The following ZKSCAN7 variants were observed in gnomAD, a reference collection of about 807,000 sequenced individuals.
ZKSCAN7 encodes the protein zinc finger protein with KRAB and SCAN domains 7.
In ZKSCAN7, 38 loss-of-function variants were observed where a neutral mutation model predicts 65.3. The ratio of observed to expected loss-of-function variants is 0.58; its 90% CI spans 0.45 to 0.76. The LOEUF (loss-of-function observed/expected upper bound fraction) is 0.76. Ranked by LOEUF, ZKSCAN7 falls within the 30% of genes least tolerant of loss-of-function variation. ZKSCAN7 has a pLI of 0.00. For synonymous variants in ZKSCAN7, 321 were observed against 321.0 expected, an observed-to-expected ratio of 1.00 and a Z score of 0.00; for missense variants, 815 against 913.3, an observed-to-expected ratio of 0.89 and a Z score of 1.39.
intron 5 of ZKSCAN7, 65 bp from the exon 6 acceptor site, chr3:44,569,857 A>C (rs1296595064): frequency 2.0e-6 from 3 of 1,475,820 alleles, no homozygotes; most frequent in African/African-American, 2.8e-5. Context: ...GTTAGCTCTT[A>C]ATGATTCTCT....
intron 5 of ZKSCAN7, chr3:44,581,042 G>T (rs1056529312): frequency 1.3e-5 from 20 of 1,538,076 alleles, no homozygotes; most frequent in Non-Finnish European, 1.7e-5. Flanking sequence ...GCGCGGCGGC[G>T]GCGGCGGCGC....
intron 5 of ZKSCAN7, chr3:44,578,370 T>G: frequency 6.2e-7 from 1 of 1,610,786 alleles, no homozygotes. Flanking sequence ...GGTGACCCAG[T>G]GGCCTCCCCA....
chr3:44,571,871 T>G lies in ZKSCAN7; in HGVS notation c.*496T>G. On this transcript the variant is annotated 3_prime_UTR_variant, in exon 6 of 6. Coordinates refer to ENST00000426540, the MANE Select transcript of ZKSCAN7 (RefSeq NM_001288590.2). ...TATCTAGAAAACATTTTCTTCTGTT[T>G]GCTAATCTTTGTCCCTCACAATTTT... is the stretch of plus-strand genomic sequence containing the variant. 9 of 987,894 alleles carry G rather than the reference T, an allele frequency of 9.1e-6. No homozygotes were observed. Among genetic ancestry groups the G allele is most frequent in the Non-Finnish European group, 1.1e-5 (9 of 831,476 alleles). 61.2% of individuals were successfully genotyped at this position (987,894 alleles called of 1,614,324 possible). A position where few individuals can be genotyped will look rare whatever the true frequency, so the allele number is the denominator to read the frequency against.
chr3:44,579,588 G>A (rs1008999926), intron 5 of ZKSCAN7, among the ~76,000 whole-genome samples: 2 of 152,094 alleles, frequency 1.3e-5, no homozygotes, highest in African/African-American at 4.8e-5. Flanking sequence ...GTGGTCGGGT[G>A]CACATGCTTC....
chr3:44,572,069 A>G lies in ZKSCAN7; in HGVS notation c.*694A>G, dbSNP rs1699821571. 3 of 984,584 alleles carry G rather than the reference A, an allele frequency of 3.0e-6. No individual in the cohort carries two copies. The highest frequency in any genetic ancestry group is 4.7e-5 in the South Asian group (1 of 21,268). 61.0% of individuals were successfully genotyped at this position (984,584 alleles called of 1,614,324 possible). ...GTATACTTTTATACCAACTTATTGTAGGCTCTTTGAGGTCAGGTATGTATT... is the reference window on the plus strand; with the variant it reads ...GTATACTTTTATACCAACTTATTGTGGGCTCTTTGAGGTCAGGTATGTATT... On this transcript the variant is annotated 3_prime_UTR_variant, in exon 6 of 6. Transcript: ENST00000426540.
chr3:44,558,782 A>ATTT (rs35709621), intron 2 of ZKSCAN7, among the ~76,000 whole-genome samples: 17,674 of 92,574 alleles, frequency 0.19, 1,404 homozygotes, highest in African/African-American at 0.23. Flanking sequence ...TTTCTTCTTC[A>ATTT]TTTTTTTTTT....
intron 2 of ZKSCAN7, among the ~76,000 whole-genome samples, chr3:44,561,960 A>G (rs1274835268): frequency 1.3e-5 from 2 of 152,204 alleles, no homozygotes; most frequent in African/African-American, 4.8e-5. Context: ...TGGGGTCTGG[A>G]GGATGGTGGC....
At chr3:44,560,051 TA>T (rs1699421041) in intron 2 of ZKSCAN7, among the ~76,000 whole-genome samples, 1 of 152,202 alleles carries the variant, frequency 6.6e-6, no homozygotes, top group Non-Finnish European at 1.5e-5. Flanking sequence ...TTAAAACTTT[TA>T]GTGCTTTATC....
chr3:44,580,343 A>G, intron 5 of ZKSCAN7: 2 of 1,612,000 alleles, frequency 1.2e-6, no homozygotes, highest in African/African-American at 1.3e-5. Flanking sequence ...AGCTGGCAGC[A>G]GGAGGCTGGC....
In ZKSCAN7 at chr3:44,571,481, C is replaced by T. The variant is rs1699808572; in HGVS notation, c.*106C>T. Reference sequence around the variant, plus strand: ...GAGCCAGTAGTCACGGTGGACCATTCCCTACTTGCTTTTCCTTGGATCACT... The same window carrying T: ...GAGCCAGTAGTCACGGTGGACCATTTCCTACTTGCTTTTCCTTGGATCACT... On this transcript the variant is annotated 3_prime_UTR_variant, in exon 6 of 6. Transcript: ENST00000426540. 6.3e-7 allele frequency: 1 copy of T among 1,591,468 alleles called. No homozygotes were observed.
intron 2 of ZKSCAN7, among the ~76,000 whole-genome samples, chr3:44,560,630 T>A (rs989923436): frequency 1.3e-5 from 2 of 150,392 alleles, no homozygotes; most frequent in Non-Finnish European, 2.9e-5. Context: ...TGCCTCAGCC[T>A]CCTGAGTAGC....
chr3:44,572,894 C>T (rs971474422), downstream of ZKSCAN7, among the ~76,000 whole-genome samples: 3 of 146,598 alleles, frequency 2.0e-5, no homozygotes, highest in South Asian at 4.2e-4. Context: ...ATTTACTGCA[C>T]CGAAGACTTG....
chr3:44,581,552 A>T (rs1451810785), intron 5 of ZKSCAN7, among the ~76,000 whole-genome samples: 1 of 152,240 alleles, frequency 6.6e-6, no homozygotes, highest in African/African-American at 2.4e-5. Flanking sequence ...TCTGAAAAAT[A>T]TTCCTGAAGT....
intron 2 of ZKSCAN7, among the ~76,000 whole-genome samples, chr3:44,564,862 G>A (rs140307915): frequency 0.011 from 1,652 of 152,176 alleles, 34 homozygotes; most frequent in African/African-American, 0.038. Context: ...GTGCAGAGGC[G>A]TGATCTCGGC....
At position 44,570,691 on chromosome 3, in the gene ZKSCAN7, G is replaced by T. The variant is rs766669730; in HGVS notation, c.1581G>T (p.Glu527Asp). Residue 527 changes from glutamate (E) to aspartate (D), a missense_variant, in exon 6 of 6, where the codon GAG becomes GAT. By Grantham distance (45) the Glu-to-Asp change is conservative. Coordinates refer to ENST00000426540, the MANE Select transcript of ZKSCAN7 (RefSeq NM_001288590.2). ...HTGKKPYKCNECGRAFCSNRN... is the reference protein window; with the variant it reads ...HTGKKPYKCNDCGRAFCSNRN... ...GTAAGAAACCTTACAAATGCAATGA[G>T]TGTGGGAGAGCATTCTGTTCCAATA... is the stretch of plus-strand genomic sequence containing the variant. 5 of 1,613,878 alleles carry T rather than the reference G, an allele frequency of 3.1e-6. No homozygotes were observed. The highest frequency in any genetic ancestry group is 4.2e-6 in the Non-Finnish European group (5 of 1,180,004).
intron 2 of ZKSCAN7, 38 bp downstream of exon 2, chr3:44,557,508 T>A (rs775722277): frequency 6.2e-7 from 1 of 1,611,930 alleles, no homozygotes; most frequent in Non-Finnish European, 8.5e-7. Context: ...CTGATGCTTC[T>A]CTAATGCTTG....
At position 44,570,082 on chromosome 3, in the gene ZKSCAN7, A is replaced by C. The variant is rs776585579; in HGVS notation, c.972A>C (p.Gly324=). The C allele has an allele frequency of 1.6e-5, 26 of 1,614,074 alleles. No homozygotes were observed. The highest frequency in any genetic ancestry group is 2.2e-5 in the Non-Finnish European group (26 of 1,179,994). The change falls in exon 6 of 6, where the codon GGA becomes GGC. Residue 324 remains glycine, a synonymous_variant. Coordinates refer to ENST00000426540, the MANE Select transcript of ZKSCAN7 (RefSeq NM_001288590.2). ...VCEDTFKELE[G]QTSDEEGSRL... The stretch of plus-strand genomic sequence containing the variant: ...AAGATACTTTCAAGGAGTTAGAAGG[A>C]CAAACCTCAGATGAAGAAGGGAGCA...
Position 44,571,836 on chromosome 3 carries a change from T to G in ZKSCAN7, c.*461T>G. On this transcript the variant is annotated 3_prime_UTR_variant, in exon 6 of 6. Transcript: ENST00000426540. ...ACTTTAATCTATAACTTTTCATCAGTTTTGTTCCCTATCTAGAAAACATTT... is the reference window on the plus strand; with the variant it reads ...ACTTTAATCTATAACTTTTCATCAGGTTTGTTCCCTATCTAGAAAACATTT... 2 of 990,184 alleles carry G rather than the reference T, an allele frequency of 2.0e-6. No homozygotes were observed. Among genetic ancestry groups the G allele is most frequent in the Non-Finnish European group, 2.4e-6 (2 of 832,810 alleles). 61.3% of individuals were successfully genotyped at this position (990,184 alleles called of 1,614,324 possible).
At chr3:44,568,918 T>A (rs1699714614) in intron 5 of ZKSCAN7, among the ~76,000 whole-genome samples, 1 of 152,220 alleles carries the variant, frequency 6.6e-6, no homozygotes, top group South Asian at 2.1e-4. Flanking sequence ...TCACTGTGAA[T>A]CTTTTGTCCT....
Sources: gnomAD v4.1 joint callset for allele counts (sites outside exome capture counted in the v4.1 genomes callset) on GRCh38, gnomAD v4.1.1 for gene constraint, MANE v1.5 for transcripts, NCBI Gene and HGNC (gene_info 2026-07-23, HGNC 2026-07-21) for gene names.